CDH19: variants seen among roughly 807,000 people sequenced by gnomAD.
CDH19 encodes the protein cadherin-19.
A neutral mutation model predicts 64.2 loss-of-function variants in CDH19; 67 were observed. That is an observed-to-expected ratio of 1.04 (90% CI 0.86 to 1.28). CDH19 has a LOEUF of 1.28. Among genes scored for constraint, CDH19 ranks in the 50% most tolerant of loss-of-function variants. The pLI, the probability that CDH19 is intolerant of heterozygous loss-of-function variation, is 0.00. For missense variants in CDH19, 1,030 were observed against 929.0 expected (o/e 1.11, Z -1.41); for synonymous variants, 346 against 319.3 (o/e 1.08, Z -0.89).
intron 11 of CDH19, among the ~76,000 whole-genome samples, chr18:66,506,068 C>G (rs1470560008): frequency 6.6e-6 from 1 of 151,818 alleles, no homozygotes; most frequent in Non-Finnish European, 1.5e-5. Context: ...AAGCTAGGCA[C>G]AGAAAGAAAA....
chr18:66,505,580 T>C (rs996712027), intron 11 of CDH19, among the ~76,000 whole-genome samples: 2 of 147,478 alleles, frequency 1.4e-5, no homozygotes, highest in Non-Finnish European at 3.0e-5. Flanking sequence ...TAATATAATA[T>C]ATATAGTGAA....
At chr18:66,532,958 C>T (rs934533440) in intron 8 of CDH19, among the ~76,000 whole-genome samples, 1 of 152,040 alleles carries the variant, frequency 6.6e-6, no homozygotes, top group African/African-American at 2.4e-5. Context: ...TATTGGATTG[C>T]ACCTGCTTGA....
intron 3 of CDH19, among the ~76,000 whole-genome samples, chr18:66,557,766 T>G (rs1202686394): frequency 1.3e-5 from 2 of 151,880 alleles, no homozygotes; most frequent in Non-Finnish European, 2.9e-5. Context: ...CATATATGTA[T>G]ACAGGTAGAT....
At chr18:66,554,265 T>C (rs1244813897) in intron 4 of CDH19, 140 bp downstream of exon 4, 5 of 735,100 alleles carry the variant, frequency 6.8e-6, no homozygotes, top group Non-Finnish European at 1.1e-5. Flanking sequence ...CTAAAAGTAA[T>C]TAAATGCTTA....
intron 3 of CDH19, among the ~76,000 whole-genome samples, chr18:66,557,676 G>A (rs1987567608): frequency 6.6e-6 from 1 of 151,784 alleles, no homozygotes; most frequent in African/African-American, 2.4e-5. Flanking sequence ...TTACTTTTTG[G>A]TAAGGACTAT....
At chr18:66,538,936 C>T (rs540584723) in intron 7 of CDH19, among the ~76,000 whole-genome samples, 3 of 152,208 alleles carry the variant, frequency 2.0e-5, no homozygotes, top group African/African-American at 7.2e-5. Context: ...ATGACCTTAT[C>T]TTAACTAGTT....
intron 9 of CDH19, among the ~76,000 whole-genome samples, chr18:66,522,776 TA>T (rs1488676856): frequency 6.6e-6 from 1 of 151,754 alleles, no homozygotes; most frequent in African/African-American, 2.4e-5. Context: ...ATTAGACATT[TA>T]AAATATTTTG....
intron 1 of CDH19, among the ~76,000 whole-genome samples, chr18:66,603,508 ATT>A (rs34031594): frequency 2.0e-5 from 3 of 151,238 alleles, no homozygotes; most frequent in African/African-American, 7.3e-5. Flanking sequence ...TTCTGTATAT[ATT>A]TTTTCTCATA....
intron 9 of CDH19, among the ~76,000 whole-genome samples, chr18:66,524,536 TTG>T (rs201628962): frequency 8.5e-5 from 7 of 82,280 alleles, no homozygotes; most frequent in African/African-American, 3.3e-4. Flanking sequence ...GCGTGTATGT[TTG>T]TGTGTATATA....
chr18:66,603,331 C>T (rs1245147035), intron 1 of CDH19, among the ~76,000 whole-genome samples: 5 of 150,966 alleles, frequency 3.3e-5, no homozygotes, highest in African/African-American at 9.7e-5. Context: ...TTAATTTATA[C>T]TTTCATATTT....
chr18:66,511,995 T>C (rs1985515093), intron 9 of CDH19, among the ~76,000 whole-genome samples: 1 of 151,604 alleles, frequency 6.6e-6, no homozygotes, highest in Non-Finnish European at 1.5e-5. Context: ...ACATCCTCCC[T>C]GCCTACATTT....
intron 4 of CDH19, among the ~76,000 whole-genome samples, chr18:66,551,871 C>T (rs1987356734): frequency 6.6e-6 from 1 of 151,540 alleles, no homozygotes; most frequent in African/African-American, 2.4e-5. Context: ...TGAAAAGAAC[C>T]TAAGAAAATC....
At chr18:66,513,982 A>G (rs185563694) in intron 9 of CDH19, among the ~76,000 whole-genome samples, 1 of 151,616 alleles carries the variant, frequency 6.6e-6, no homozygotes, top group Non-Finnish European at 1.5e-5. Context: ...CAAGAATTGA[A>G]AAGTAACTAC....
At chr18:66,560,715 C>G (rs1760855910) in intron 3 of CDH19, among the ~76,000 whole-genome samples, 1 of 151,958 alleles carries the variant, frequency 6.6e-6, no homozygotes, top group South Asian at 2.1e-4. Flanking sequence ...GTTGTTCTTA[C>G]TCTACTGAAG....
At chr18:66,540,520 C>T (rs1462944438) in intron 7 of CDH19, among the ~76,000 whole-genome samples, 3 of 152,094 alleles carry the variant, frequency 2.0e-5, no homozygotes. Context: ...TTTCTAGAGG[C>T]TGGAAGTATG....
At chr18:66,565,436 T>C (rs938501379) in intron 3 of CDH19, among the ~76,000 whole-genome samples, 2 of 151,906 alleles carry the variant, frequency 1.3e-5, no homozygotes, top group Non-Finnish European at 2.9e-5. Flanking sequence ...TTCACTTCAA[T>C]ACAACAGAAA....
intron 5 of CDH19, among the ~76,000 whole-genome samples, chr18:66,545,908 G>A (rs1440390383): frequency 6.6e-6 from 1 of 151,354 alleles, no homozygotes; most frequent in East Asian, 1.9e-4. Context: ...AATTGCAGAT[G>A]TATTTAAAAT....
intron 5 of CDH19, among the ~76,000 whole-genome samples, chr18:66,548,455 G>T (rs1324238894): frequency 3.3e-5 from 5 of 150,062 alleles, no homozygotes; most frequent in Non-Finnish European, 5.9e-5. Flanking sequence ...GAGATCAAAG[G>T]CCTGACTCAC....
chr18:66,513,783 T>C (rs192874029), intron 9 of CDH19, among the ~76,000 whole-genome samples: 2 of 151,576 alleles, frequency 1.3e-5, no homozygotes, highest in East Asian at 1.9e-4. Flanking sequence ...AGAACAGCCA[T>C]GGCTTGAGAG....
Sources: allele counts gnomAD v4.1 joint callset (sites outside exome capture counted in the v4.1 genomes callset), GRCh38; gene constraint gnomAD v4.1.1; transcripts MANE v1.5; gene names NCBI Gene and HGNC (gene_info 2026-07-23, HGNC 2026-07-21).